Variants in EDIL3 observed in about 807,000 individuals in gnomAD.
The protein encoded by EDIL3 is EGF like and discoidin domains 3.
A neutral mutation model predicts 67.4 loss-of-function variants in EDIL3; 37 were observed. The ratio of observed to expected loss-of-function variants is 0.55; its 90% confidence interval spans 0.42 to 0.72. The LOEUF is 0.72. Ranked by LOEUF, EDIL3 falls within the 30% of genes least tolerant of loss-of-function variation. The pLI is 0.00. For synonymous variants in EDIL3, 195 were observed against 196.3 expected (o/e 0.99, Z 0.05); for missense variants, 527 against 586.3 (o/e 0.90, Z 1.04).
chr5:84,146,158 T>A (rs1394306199), intron 4 of EDIL3, among the ~76,000 whole-genome samples: 1 of 152,146 alleles, frequency 6.6e-6, no homozygotes, highest in African/African-American at 2.4e-5. Flanking sequence ...CTTCCACTTG[T>A]AGATTACTTA....
At chr5:84,204,574 C>T (rs1743917694) in intron 3 of EDIL3, among the ~76,000 whole-genome samples, 2 of 151,956 alleles carry the variant, frequency 1.3e-5, no homozygotes, top group African/African-American at 4.8e-5. Context: ...TAGGCACTAT[C>T]CAATTATTTT....
chr5:84,087,973 A>G (rs1396226852), intron 6 of EDIL3, among the ~76,000 whole-genome samples: 1 of 152,252 alleles, frequency 6.6e-6, no homozygotes, highest in East Asian at 1.9e-4. Context: ...GTACCCTTCA[A>G]GAAGTCCCAT....
chr5:83,957,816 T>C (rs1188833025), intron 10 of EDIL3, among the ~76,000 whole-genome samples: 1 of 151,716 alleles, frequency 6.6e-6, no homozygotes, highest in African/African-American at 2.4e-5. Flanking sequence ...TTTTTCCACC[T>C]TTACTGAGCT....
At chr5:84,129,726 A>G (rs1747928634) in intron 5 of EDIL3, among the ~76,000 whole-genome samples, 1 of 152,104 alleles carries the variant, frequency 6.6e-6, no homozygotes, top group Non-Finnish European at 1.5e-5. Flanking sequence ...TTTCTCTTTG[A>G]TTTCTTGTTA....
intron 4 of EDIL3, among the ~76,000 whole-genome samples, chr5:84,152,077 GC>G (rs961614044): frequency 2.0e-5 from 3 of 151,852 alleles, no homozygotes; most frequent in Non-Finnish European, 2.9e-5. Context: ...GAGCCACCAT[GC>G]CCAGCTAATT....
At chr5:84,358,496 T>A (rs938609747) in intron 1 of EDIL3, among the ~76,000 whole-genome samples, 2 of 151,366 alleles carry the variant, frequency 1.3e-5, no homozygotes, top group African/African-American at 4.9e-5. Flanking sequence ...GAGTAAAACA[T>A]CTCTCAGTGT....
intron 4 of EDIL3, among the ~76,000 whole-genome samples, chr5:84,157,814 T>C (rs1748520089): frequency 6.6e-6 from 1 of 151,990 alleles, no homozygotes; most frequent in Non-Finnish European, 1.5e-5. Flanking sequence ...AGATGTAGTA[T>C]GAATTAAAAA....
rs182149965 is a variant in EDIL3, at chr5:84,019,186, A to G, written c.1137+41114T>C. On this transcript the variant is annotated intron_variant, in intron 9 of 10. Coordinates refer to ENST00000296591, the MANE Select transcript of EDIL3 (RefSeq NM_005711.5). ...ATAGACTGGATTAAGAAAATGTGGC[A>G]CATATACACCATGGAATACTATGCA... Among the ~76,000 whole-genome samples, 485 of 152,304 alleles carry G rather than the reference A, an allele frequency of 3.2e-3. 2 individuals are homozygous for G. The highest frequency in any genetic ancestry group is 5.0e-3 in the South Asian group (24 of 4,822).
rs147017325 is a variant in EDIL3 at position 83,944,252 on chromosome 5, C to T, written c.1294-684G>A. 2.0e-3 allele frequency among the ~76,000 whole-genome samples: 307 copies of T among 152,076 alleles called. 2 individuals carry two copies. Among genetic ancestry groups the T allele is most frequent in the African/African-American group, 7.0e-3 (291 of 41,520 alleles). The stretch of plus-strand genomic sequence containing the variant: ...TCCAAATGAGACAACACAATCAATG[C>T]TGTTTTTGAACTGTTTTTCTCTTCT... On this transcript the variant is annotated intron_variant, in intron 10 of 10. Coordinates refer to ENST00000296591, the MANE Select transcript of EDIL3 (RefSeq NM_005711.5).
chr5:84,140,304 G>A (rs78433109), intron 4 of EDIL3, among the ~76,000 whole-genome samples: 4,177 of 152,232 alleles, frequency 0.027, 199 homozygotes, highest in African/African-American at 0.095. Flanking sequence ...TTGCTGATTT[G>A]TAATGTTAAT....
At chr5:84,030,817 G>A (rs1345805347) in intron 9 of EDIL3, among the ~76,000 whole-genome samples, 5 of 152,046 alleles carry the variant, frequency 3.3e-5, no homozygotes, top group African/African-American at 4.8e-5. Flanking sequence ...ATTCTCCCAC[G>A]TCTTCTGGCT....
chr5:84,151,644 A>G (rs921544634), intron 4 of EDIL3, among the ~76,000 whole-genome samples: 1 of 151,972 alleles, frequency 6.6e-6, no homozygotes, highest in African/African-American at 2.4e-5. Context: ...TCATTGCAAG[A>G]TTTTCTATTG....
intron 2 of EDIL3, among the ~76,000 whole-genome samples, chr5:84,238,149 GTGTGTGTGTGTGTA>G (rs1198447921): frequency 6.6e-6 from 1 of 151,364 alleles, no homozygotes; most frequent in Non-Finnish European, 1.5e-5. Context: ...GGCAAACGGT[GTGTGTGTGTGTGTA>G]TGTGTGTGTG....
intron 4 of EDIL3, among the ~76,000 whole-genome samples, chr5:84,160,199 C>G (rs985658041): frequency 4.6e-5 from 7 of 152,118 alleles, no homozygotes; most frequent in Non-Finnish European, 1.5e-5. Flanking sequence ...AGGTAAACTG[C>G]AATGCACTTA....
At chr5:84,071,613 T>C (rs1281095614) in intron 6 of EDIL3, among the ~76,000 whole-genome samples, 1 of 152,118 alleles carries the variant, frequency 6.6e-6, no homozygotes, top group Admixed American at 6.5e-5. Flanking sequence ...CTGAAGAATA[T>C]AAACTAGTAA....
intron 3 of EDIL3, among the ~76,000 whole-genome samples, chr5:84,200,928 A>G (rs936745600): frequency 2.0e-5 from 3 of 152,134 alleles, no homozygotes; most frequent in Admixed American, 6.6e-5. Context: ...TTATTTATCA[A>G]GTAATTCCAT....
At chr5:84,284,736 A>G (rs1447408769) in intron 1 of EDIL3, among the ~76,000 whole-genome samples, 2 of 152,194 alleles carry the variant, frequency 1.3e-5, no homozygotes, top group African/African-American at 4.8e-5. Context: ...CAGTAAAAAC[A>G]AAAGATCTGA....
chr5:84,143,241 T>C (rs1748235879), intron 4 of EDIL3, among the ~76,000 whole-genome samples: 1 of 152,088 alleles, frequency 6.6e-6, no homozygotes, highest in Admixed American at 6.6e-5. Flanking sequence ...GTTTAGTATA[T>C]ATTTGAATCT....
At chr5:84,164,052 TGCTA>T (rs1394439881) in intron 4 of EDIL3, among the ~76,000 whole-genome samples, 1 of 152,134 alleles carries the variant, frequency 6.6e-6, no homozygotes, top group Non-Finnish European at 1.5e-5. Context: ...GTATATGCTG[TGCTA>T]TGATTTTCTC....
Sources: allele counts gnomAD v4.1 joint callset (sites outside exome capture counted in the v4.1 genomes callset), GRCh38; gene constraint gnomAD v4.1.1; transcripts MANE v1.5; gene names NCBI Gene and HGNC (gene_info 2026-07-23, HGNC 2026-07-21).